AK5: variants seen among roughly 807,000 people sequenced by gnomAD.
AK5 encodes the protein adenylate kinase isoenzyme 5.
Under a neutral mutation model 69.5 loss-of-function variants are expected in AK5, and 27 were observed. The observed-to-expected ratio is 0.39, with a 90% confidence interval of 0.29 to 0.54. The LOEUF (loss-of-function observed/expected upper bound fraction) is 0.54. AK5 is among the 20% of genes least tolerant of loss of function. The probability of loss-of-function intolerance (pLI) is 0.71; values close to 1 mark genes in which losing one functional copy is unlikely to be tolerated. For synonymous variants in AK5, 260 were observed against 244.4 expected, an observed-to-expected ratio of 1.06 and a Z score of -0.60; for missense variants, 531 against 700.4, an observed-to-expected ratio of 0.76 and a Z score of 2.73.
At chr1:77,321,606 C>T (rs1660538459) in intron 5 of AK5, among the ~76,000 whole-genome samples, 1 of 152,142 alleles carries the variant, frequency 6.6e-6, no homozygotes, top group Non-Finnish European at 1.5e-5. Flanking sequence ...GGGAATTCTC[C>T]TCTAATAGGG....
At chr1:77,336,085 C>CTTTT (rs36053089) in intron 5 of AK5, among the ~76,000 whole-genome samples, 4 of 135,122 alleles carry the variant, frequency 3.0e-5, no homozygotes, top group Non-Finnish European at 3.1e-5. Context: ...TCTTATAACC[C>CTTTT]TTTTTTTTTT....
chr1:77,439,751 A>G (rs1057459616), intron 8 of AK5, among the ~76,000 whole-genome samples: 6 of 149,286 alleles, frequency 4.0e-5, no homozygotes, highest in African/African-American at 1.5e-4. Flanking sequence ...TGGCCATAAA[A>G]AAGAATATGT....
intron 1 of AK5, chr1:77,283,449 G>T: frequency 3.0e-6 from 3 of 985,312 alleles, no homozygotes; most frequent in Non-Finnish European, 3.6e-6. Context: ...CCGGTTTGGG[G>T]GATTTGTTCT....
chr1:77,432,333 G>T (rs2100614325), intron 8 of AK5, among the ~76,000 whole-genome samples: 1 of 152,220 alleles, frequency 6.6e-6, no homozygotes, highest in East Asian at 1.9e-4. Flanking sequence ...CCACATTTGA[G>T]CAACAAGGGA....
chr1:77,422,608 T>C (rs896634301), intron 8 of AK5, among the ~76,000 whole-genome samples: 3 of 152,116 alleles, frequency 2.0e-5, no homozygotes, highest in Non-Finnish European at 4.4e-5. Flanking sequence ...CCTCTACTCA[T>C]GCACCATCAG....
intron 6 of AK5, among the ~76,000 whole-genome samples, chr1:77,342,722 A>G (rs1278870504): frequency 6.6e-6 from 1 of 152,212 alleles, no homozygotes; most frequent in South Asian, 2.1e-4. Flanking sequence ...GCTTTTAAAG[A>G]TGAGTTAAAT....
At chr1:77,367,581 T>TATATA (rs1646984923) in intron 6 of AK5, among the ~76,000 whole-genome samples, 1 of 55,166 alleles carries the variant, frequency 1.8e-5, no homozygotes, top group African/African-American at 7.6e-5. Flanking sequence ...ATATATATAA[T>TATATA]ATATATGTTA....
chr1:77,384,534 A>G (rs1434652055), intron 6 of AK5, among the ~76,000 whole-genome samples: 2 of 152,160 alleles, frequency 1.3e-5, no homozygotes. Context: ...AAAGCTACAT[A>G]AGTCGATCAG....
chr1:77,396,509 A>G (rs1230358122), intron 6 of AK5, among the ~76,000 whole-genome samples: 1 of 152,242 alleles, frequency 6.6e-6, no homozygotes, highest in African/African-American at 2.4e-5. Flanking sequence ...TCCTGAAACA[A>G]AGATCAATTT....
intron 6 of AK5, among the ~76,000 whole-genome samples, chr1:77,356,422 C>T (rs1662530081): frequency 6.6e-6 from 1 of 152,180 alleles, no homozygotes; most frequent in Non-Finnish European, 1.5e-5. Context: ...CAAGTGAAAG[C>T]AACTCTTGTC....
chr1:77,379,848 G>GT (rs1172168558), intron 6 of AK5, among the ~76,000 whole-genome samples: 1 of 152,090 alleles, frequency 6.6e-6, no homozygotes. Context: ...CATAAATAAC[G>GT]TATCTGGGTC....
intron 5 of AK5, among the ~76,000 whole-genome samples, chr1:77,320,705 C>T (rs7516300): frequency 0.32 from 48,188 of 151,950 alleles, 7,800 homozygotes; most frequent in Middle Eastern, 0.36. Flanking sequence ...GCTGAGATCA[C>T]GCCATTGCAC....
At chr1:77,536,759 C>T (rs535491611) in intron 13 of AK5, among the ~76,000 whole-genome samples, 9 of 152,320 alleles carry the variant, frequency 5.9e-5, no homozygotes, top group Middle Eastern at 3.4e-3. Context: ...TATAATTTTA[C>T]ATCGTTCACA....
chr1:77,340,803 A>G (rs576847317), intron 6 of AK5: 2 of 392,802 alleles, frequency 5.1e-6, no homozygotes, highest in Non-Finnish European at 9.1e-6. Flanking sequence ...ATAAATTTTA[A>G]CCTTGGCCAA....
intron 8 of AK5, among the ~76,000 whole-genome samples, chr1:77,430,243 A>C (rs1036966961): frequency 2.0e-5 from 3 of 152,052 alleles, no homozygotes; most frequent in Admixed American, 6.6e-5. Context: ...AGAGAGAAAG[A>C]GGTGTATTTG....
At chr1:77,525,683 G>A (rs541252152) in intron 12 of AK5, among the ~76,000 whole-genome samples, 10 of 152,240 alleles carry the variant, frequency 6.6e-5, no homozygotes, top group South Asian at 4.1e-4. Flanking sequence ...CAACACTGGC[G>A]GTCACATTTC....
At chr1:77,297,132 C>T (rs994754844) in intron 3 of AK5, among the ~76,000 whole-genome samples, 36 of 152,094 alleles carry the variant, frequency 2.4e-4, no homozygotes, top group Admixed American at 5.9e-4. Flanking sequence ...ATAATGGTTA[C>T]GTTTCACCGA....
At chr1:77,527,974 G>T (rs569354222) in intron 12 of AK5, among the ~76,000 whole-genome samples, 1 of 152,152 alleles carries the variant, frequency 6.6e-6, no homozygotes, top group African/African-American at 2.4e-5. Flanking sequence ...CAGGAGAATC[G>T]CTTGAACCCA....
intron 5 of AK5, among the ~76,000 whole-genome samples, chr1:77,303,402 A>G (rs898541717): frequency 1.3e-5 from 2 of 152,250 alleles, no homozygotes; most frequent in African/African-American, 2.4e-5. Flanking sequence ...ATAAATCCAC[A>G]CAAGTTAACT....
Sources: allele counts gnomAD v4.1 joint callset (sites outside exome capture counted in the v4.1 genomes callset), GRCh38; gene constraint gnomAD v4.1.1; transcripts MANE v1.5; gene names NCBI Gene and HGNC (gene_info 2026-07-23, HGNC 2026-07-21).